MSRA: variants seen among roughly 807,000 people sequenced by gnomAD.
The protein encoded by MSRA is methionine sulfoxide reductase A, also known as mitochondrial peptide methionine sulfoxide reductase.
In MSRA, 54 loss-of-function variants were observed where a neutral mutation model predicts 31.3. The ratio of observed to expected loss-of-function variants is 1.73; its 90% CI spans 1.39 to 2.17. MSRA has a LOEUF of 2.17. MSRA is among the 30% of genes most tolerant of loss of function. The pLI is 0.00. For missense variants in MSRA, 507 were observed against 300.9 expected, an observed-to-expected ratio of 1.69 and a Z score of -5.07; for synonymous variants, 169 against 116.5, an observed-to-expected ratio of 1.45 and a Z score of -2.90.
chr8:10,312,147 A>G (rs995894471), intron 4 of MSRA, among the ~76,000 whole-genome samples: 3 of 152,136 alleles, frequency 2.0e-5, no homozygotes, highest in African/African-American at 7.2e-5. Context: ...ATTCAACCCA[A>G]ACAGTATAAA....
At chr8:10,321,364 G>C (rs1802032344) in intron 5 of MSRA, among the ~76,000 whole-genome samples, 1 of 152,120 alleles carries the variant, frequency 6.6e-6, no homozygotes, top group East Asian at 1.9e-4. Context: ...GCTGTAACTA[G>C]AGTGTCCACT....
chr8:10,276,020 T>C (rs1799302153), intron 3 of MSRA, among the ~76,000 whole-genome samples: 1 of 152,250 alleles, frequency 6.6e-6, no homozygotes, highest in South Asian at 2.1e-4. Flanking sequence ...GCTCCAACAC[T>C]GGCTGGTGTT....
chr8:10,383,730 C>G (rs1806215833), intron 5 of MSRA, among the ~76,000 whole-genome samples: 1 of 152,194 alleles, frequency 6.6e-6, no homozygotes, highest in Admixed American at 6.5e-5. Flanking sequence ...TCTACATGGA[C>G]AAAGCCCAGT....
At chr8:10,283,160 A>ACACACACTCTCTCTCTCTCTCT in intron 3 of MSRA, among the ~76,000 whole-genome samples, 11 of 140,318 alleles carry the variant, frequency 7.8e-5, no homozygotes, top group East Asian at 6.1e-4. Context: ...ACACACACAC[A>ACACACACTCTCTCTCTCTCTCT]CTCTCACCCT....
At chr8:10,257,737 A>C (rs973217502) in intron 3 of MSRA, among the ~76,000 whole-genome samples, 1 of 152,224 alleles carries the variant, frequency 6.6e-6, no homozygotes, top group African/African-American at 2.4e-5. Flanking sequence ...TGTTTGGACT[A>C]ACTGCTCAAG....
At chr8:10,277,569 C>T (rs890685076) in intron 3 of MSRA, among the ~76,000 whole-genome samples, 1 of 152,136 alleles carries the variant, frequency 6.6e-6, no homozygotes, top group Non-Finnish European at 1.5e-5. Flanking sequence ...CTTGCTTTTT[C>T]TCTGTATGGA....
intron 2 of MSRA, among the ~76,000 whole-genome samples, chr8:10,241,239 T>C (rs1343211548): frequency 6.6e-6 from 1 of 151,968 alleles, no homozygotes; most frequent in Non-Finnish European, 1.5e-5. Flanking sequence ...GGTGAAATGG[T>C]CGATTCTGGG....
At chr8:10,237,140 G>A (rs1226426871) in intron 2 of MSRA, among the ~76,000 whole-genome samples, 2 of 152,160 alleles carry the variant, frequency 1.3e-5, no homozygotes, top group African/African-American at 4.8e-5. Flanking sequence ...TGTTGTGGTT[G>A]GTCTCATAAC....
At chr8:10,121,145 T>A (rs1469096206) in intron 1 of MSRA, among the ~76,000 whole-genome samples, 1 of 152,098 alleles carries the variant, frequency 6.6e-6, no homozygotes, top group African/African-American at 2.4e-5. Flanking sequence ...TTGACAACAA[T>A]AAGTTTGTCG....
chr8:10,195,438 C>G (rs890451276), intron 1 of MSRA, among the ~76,000 whole-genome samples: 1 of 152,128 alleles, frequency 6.6e-6, no homozygotes, highest in Admixed American at 6.5e-5. Flanking sequence ...ATGGGGGTTC[C>G]CCATGTTGCC....
At position 10,260,229 on chromosome 8, in the gene MSRA, A is replaced by G. The variant is rs1275543446; in HGVS notation, c.331+15006A>G. Among the ~76,000 whole-genome samples the G allele has an allele frequency of 2.6e-5, 4 of 152,166 alleles. 1 individual carries two copies. The highest frequency in any genetic ancestry group is 9.7e-5 in the African/African-American group (4 of 41,426). ...CCATTTGGTCCAGTTGCAGCAGAATAAAAAAAGCTCCACTTCTGGTTGAGG... is the reference window on the plus strand; with the variant it reads ...CCATTTGGTCCAGTTGCAGCAGAATGAAAAAAGCTCCACTTCTGGTTGAGG... On this transcript the variant is annotated intron_variant, in intron 3 of 5. Coordinates refer to ENST00000317173, the MANE Select transcript of MSRA (RefSeq NM_012331.5).
intron 5 of MSRA, among the ~76,000 whole-genome samples, chr8:10,409,593 G>A (rs1338988738): frequency 6.6e-6 from 1 of 152,228 alleles, no homozygotes. Context: ...AGGACGTGAT[G>A]AGGATAACAT....
intron 5 of MSRA, among the ~76,000 whole-genome samples, chr8:10,328,021 A>G (rs1249007042): frequency 1.7e-5 from 2 of 120,406 alleles, no homozygotes; most frequent in South Asian, 2.9e-4. Flanking sequence ...TACCATCTCT[A>G]TGGTAATTTT....
chr8:10,121,321 G>A (rs1801089231), intron 1 of MSRA, among the ~76,000 whole-genome samples: 2 of 152,180 alleles, frequency 1.3e-5, no homozygotes, highest in South Asian at 4.1e-4. Flanking sequence ...GCCTGGAGAA[G>A]GACTTGTGGG....
intron 1 of MSRA, among the ~76,000 whole-genome samples, chr8:10,196,770 C>G (rs754424956): frequency 1.8e-4 from 27 of 151,662 alleles, no homozygotes; most frequent in Non-Finnish European, 2.5e-4. Flanking sequence ...TGGGGTTTCA[C>G]CATGTTGGCC....
intron 5 of MSRA, among the ~76,000 whole-genome samples, chr8:10,390,835 G>A (rs1279480232): frequency 1.3e-5 from 2 of 152,106 alleles, no homozygotes; most frequent in South Asian, 4.1e-4. Context: ...AATTATCTGG[G>A]CGCGGTGGCA....
chr8:10,313,681 A>G (rs1284954629), intron 4 of MSRA, among the ~76,000 whole-genome samples: 1 of 152,224 alleles, frequency 6.6e-6, no homozygotes, highest in Non-Finnish European at 1.5e-5. Context: ...GGATCTTAAA[A>G]GCTAATCTCG....
At chr8:10,251,208 CT>C (rs35628965) in intron 3 of MSRA, among the ~76,000 whole-genome samples, 39,621 of 148,206 alleles carry the variant, frequency 0.27, 6,151 homozygotes, top group Non-Finnish European at 0.37. Flanking sequence ...ACTCAGTATA[CT>C]TTTTTTTTTT....
Position 10,272,362 on chromosome 8 carries a change from A to G in MSRA, c.331+27139A>G, listed in dbSNP as rs867099869. Among the ~76,000 whole-genome samples, 49 of 152,328 alleles carry G rather than the reference A, an allele frequency of 3.2e-4. 1 individual carries two copies. The Middle Eastern group carries it at 0.014, about 42-fold the overall frequency. On this transcript the variant is annotated intron_variant, in intron 3 of 5. Coordinates refer to ENST00000317173, the MANE Select transcript of MSRA (RefSeq NM_012331.5). ...ATGGCATAGTTCCAGTCCAAATGCC[A>G]GCAGCCTTTAGATCCAGGAAGAGCT...
Sources: gnomAD v4.1 joint callset for allele counts (sites outside exome capture counted in the v4.1 genomes callset) on GRCh38, gnomAD v4.1.1 for gene constraint, MANE v1.5 for transcripts, NCBI Gene and HGNC (gene_info 2026-07-23, HGNC 2026-07-21) for gene names.